FSTL5: variants seen among roughly 807,000 people sequenced by gnomAD.
The protein encoded by FSTL5 is follistatin-related protein 5.
Under a neutral mutation model 89.1 loss-of-function variants are expected in FSTL5, and 62 were observed. The ratio of observed to expected loss-of-function variants is 0.70; its 90% CI spans 0.57 to 0.86. The LOEUF (loss-of-function observed/expected upper bound fraction) is 0.86. FSTL5 is among the 40% of genes least tolerant of loss of function. FSTL5 has a pLI of 0.00. For missense variants in FSTL5, 1,057 were observed against 1,001.6 expected (o/e 1.06, Z -0.75); for synonymous variants, 383 against 346.2 (o/e 1.11, Z -1.18).
chr4:161,636,581 T>C (rs548214722), intron 7 of FSTL5, among the ~76,000 whole-genome samples: 121 of 150,802 alleles, frequency 8.0e-4, no homozygotes, highest in Non-Finnish European at 1.5e-3. Context: ...CATCTAGCAT[T>C]AGGTATATCT....
chr4:161,670,271 C>A (rs976255951), intron 6 of FSTL5, among the ~76,000 whole-genome samples: 6 of 152,142 alleles, frequency 3.9e-5, no homozygotes, highest in African/African-American at 1.4e-4. Flanking sequence ...ATCAGTTAAT[C>A]AATACCCATT....
intron 12 of FSTL5, among the ~76,000 whole-genome samples, chr4:161,497,523 T>C (rs1340393735): frequency 1.3e-5 from 2 of 152,102 alleles, no homozygotes; most frequent in East Asian, 1.9e-4. Flanking sequence ...AAATACTATT[T>C]GATAGTTTTC....
chr4:161,925,871 T>C (rs1734107392), intron 3 of FSTL5, among the ~76,000 whole-genome samples: 1 of 151,828 alleles, frequency 6.6e-6, no homozygotes, highest in African/African-American at 2.4e-5. Flanking sequence ...AAAATTTTCA[T>C]GGACTTTCAC....
At chr4:161,876,680 C>T (rs1031316760) in intron 4 of FSTL5, among the ~76,000 whole-genome samples, 2 of 152,034 alleles carry the variant, frequency 1.3e-5, no homozygotes, top group African/African-American at 2.4e-5. Context: ...TTCAAGGCTG[C>T]AGTAAGCTAT....
At chr4:161,782,092 C>T (rs1170129607) in intron 4 of FSTL5, among the ~76,000 whole-genome samples, 1 of 151,986 alleles carries the variant, frequency 6.6e-6, no homozygotes, top group African/African-American at 2.4e-5. Context: ...TTTTTAGAAC[C>T]GAATAATATT....
intron 12 of FSTL5, among the ~76,000 whole-genome samples, chr4:161,494,262 G>T (rs192937959): frequency 6.6e-6 from 1 of 152,210 alleles, no homozygotes; most frequent in Admixed American, 6.5e-5. Context: ...AAAAAAATAA[G>T]TGGGGAAACA....
intron 2 of FSTL5, among the ~76,000 whole-genome samples, chr4:162,079,967 C>A (rs1284086793): frequency 6.6e-6 from 1 of 151,390 alleles, no homozygotes; most frequent in African/African-American, 2.4e-5. Flanking sequence ...TGTTAGTTGG[C>A]AGAAAAGGCA....
intron 1 of FSTL5, among the ~76,000 whole-genome samples, chr4:162,144,537 CT>C (rs1732894642): frequency 6.6e-6 from 1 of 152,040 alleles, no homozygotes; most frequent in African/African-American, 2.4e-5. Flanking sequence ...TGGAATCAAA[CT>C]CAACTTAATA....
chr4:161,786,612 C>T (rs1741912759), intron 4 of FSTL5, among the ~76,000 whole-genome samples: 1 of 152,098 alleles, frequency 6.6e-6, no homozygotes, highest in Non-Finnish European at 1.5e-5. Context: ...ATCTTTGTCC[C>T]TCCAGAAAAG....
chr4:161,661,378 T>A (rs1357731309), intron 6 of FSTL5, among the ~76,000 whole-genome samples: 2 of 152,150 alleles, frequency 1.3e-5, no homozygotes, highest in East Asian at 1.9e-4. Flanking sequence ...AGAATAAATT[T>A]TATCAGTAAT....
chr4:161,684,878 A>G (rs897170931), intron 6 of FSTL5, among the ~76,000 whole-genome samples: 56 of 152,280 alleles, frequency 3.7e-4, no homozygotes, highest in African/African-American at 1.3e-3. Flanking sequence ...TAGAATTTTT[A>G]TAGTTTCAGG....
chr4:162,086,871 T>G (rs2111347030), intron 2 of FSTL5, among the ~76,000 whole-genome samples: 1 of 152,224 alleles, frequency 6.6e-6, no homozygotes, highest in African/African-American at 2.4e-5. Context: ...ATCAAGTATA[T>G]CTGATAGTTT....
At chr4:162,029,170 T>A (rs201777927) in intron 3 of FSTL5, among the ~76,000 whole-genome samples, 30 of 81,812 alleles carry the variant, frequency 3.7e-4, no homozygotes, top group African/African-American at 6.1e-4. Context: ...AGAGAGAGTG[T>A]GTGTGTGTGT....
intron 7 of FSTL5, among the ~76,000 whole-genome samples, chr4:161,601,838 G>A (rs1465704358): frequency 4.6e-5 from 7 of 152,046 alleles, no homozygotes; most frequent in Non-Finnish European, 1.0e-4. Context: ...CCCAGAAAAA[G>A]AGGCATGCCT....
At chr4:161,958,152 G>T in intron 3 of FSTL5, among the ~76,000 whole-genome samples, 1 of 151,956 alleles carries the variant, frequency 6.6e-6, no homozygotes, top group East Asian at 1.9e-4. Context: ...ATCAGACGTT[G>T]TGGTTTTCAG....
intron 5 of FSTL5, among the ~76,000 whole-genome samples, chr4:161,775,425 G>A (rs1426534880): frequency 6.6e-6 from 1 of 151,994 alleles, no homozygotes; most frequent in East Asian, 1.9e-4. Context: ...AAGAAATATT[G>A]GAATACATCA....
chr4:162,102,649 T>C (rs1458662578), intron 2 of FSTL5, among the ~76,000 whole-genome samples: 1 of 146,020 alleles, frequency 6.8e-6, no homozygotes, highest in African/African-American at 2.5e-5. Context: ...ATATGTATAT[T>C]TATATATACA....
At chr4:161,832,648 A>G (rs1730886046) in intron 4 of FSTL5, among the ~76,000 whole-genome samples, 1 of 151,872 alleles carries the variant, frequency 6.6e-6, no homozygotes, top group African/African-American at 2.4e-5. Context: ...TTTCTTCTAG[A>G]TTTTCTAGTT....
chr4:161,860,063 CG>C (rs1731852492), intron 4 of FSTL5, among the ~76,000 whole-genome samples: 1 of 152,020 alleles, frequency 6.6e-6, no homozygotes, highest in Admixed American at 6.6e-5. Context: ...CCAAGGTGGG[CG>C]GATCACAAGG....
Sources: allele counts gnomAD v4.1 joint callset (sites outside exome capture counted in the v4.1 genomes callset), GRCh38; gene constraint gnomAD v4.1.1; transcripts MANE v1.5; gene names NCBI Gene and HGNC (gene_info 2026-07-23, HGNC 2026-07-21).